Variants in SYT1 observed in about 807,000 individuals in gnomAD.
SYT1 encodes synaptotagmin-1.
A neutral mutation model predicts 44.8 loss-of-function variants in SYT1; 8 were observed. The ratio of observed to expected loss-of-function variants is 0.18; its 90% CI spans 0.10 to 0.32. The LOEUF is 0.32. SYT1 is among the 10% of genes least tolerant of loss of function. The pLI is 1.00. For synonymous variants in SYT1, 154 were observed against 188.8 expected (o/e 0.82, Z 1.51); for missense variants, 286 against 509.3 (o/e 0.56, Z 4.22).
intron 2 of SYT1, among the ~76,000 whole-genome samples, chr12:79,012,404 T>C (rs141742441): frequency 5.6e-4 from 85 of 152,312 alleles, no homozygotes; most frequent in African/African-American, 1.8e-3. Context: ...ATCACCTGGA[T>C]GATATCTTAC....
In SYT1 at chr12:79,424,836, T is replaced by G. The variant is rs563803045; in HGVS notation, c.929-19237T>G. Among the ~76,000 whole-genome samples, 8 of 151,544 alleles carry G rather than the reference T, an allele frequency of 5.3e-5. 1 individual carries two copies. The South Asian group carries it at 1.3e-3, about 24-fold the overall frequency. On this transcript the variant is annotated intron_variant, in intron 9 of 10. Coordinates refer to ENST00000261205, the MANE Select transcript of SYT1 (RefSeq NM_005639.3). ...ATTGTATGCAGACCTAGTGTTTTGTTTTTTTTTTAAGTTTTTAAATTTGTT... is the reference window on the plus strand; with the variant it reads ...ATTGTATGCAGACCTAGTGTTTTGTGTTTTTTTTAAGTTTTTAAATTTGTT...
intron 3 of SYT1, among the ~76,000 whole-genome samples, chr12:79,067,762 G>A (rs1055609658): frequency 6.6e-6 from 1 of 152,092 alleles, no homozygotes; most frequent in Non-Finnish European, 1.5e-5. Context: ...ACAGGTCCTG[G>A]ACTTTAAAGA....
rs372483146 is a variant in SYT1 at position 79,380,436 on chromosome 12, G to A, written c.928+26817G>A. 1.8e-4 allele frequency among the ~76,000 whole-genome samples: 27 copies of A among 152,256 alleles called. No individual in the cohort carries two copies. The East Asian group carries it at 5.2e-3, about 29-fold the overall frequency. On this transcript the variant is annotated intron_variant, in intron 9 of 10. Coordinates refer to ENST00000261205, the MANE Select transcript of SYT1 (RefSeq NM_005639.3). ...AGACAGAACTTTGCTCTGCCACCCA[G>A]GCTGCTGCATCCTAGGTGATGTAGC...
chr12:79,268,918 G>C (rs980632160), intron 4 of SYT1, among the ~76,000 whole-genome samples: 2 of 152,084 alleles, frequency 1.3e-5, no homozygotes, highest in African/African-American at 4.8e-5. Flanking sequence ...AAAACCAAAG[G>C]AAAGAAAGGA....
chr12:79,307,484 G>C (rs550578477), intron 8 of SYT1, among the ~76,000 whole-genome samples: 5 of 152,208 alleles, frequency 3.3e-5, no homozygotes, highest in Admixed American at 1.3e-4. Flanking sequence ...CCCCACGTTC[G>C]GCCACCTGAC....
chr12:79,263,401 G>A (rs1877944185), intron 4 of SYT1, among the ~76,000 whole-genome samples: 1 of 151,260 alleles, frequency 6.6e-6, no homozygotes, highest in African/African-American at 2.4e-5. Flanking sequence ...ACCCATATCT[G>A]CCCACTATAT....
chr12:79,279,773 T>G (rs1189182429), intron 4 of SYT1, among the ~76,000 whole-genome samples: 1 of 151,834 alleles, frequency 6.6e-6, no homozygotes, highest in African/African-American at 2.4e-5. Flanking sequence ...CTCCTAGATT[T>G]GATAAATGAA....
intron 9 of SYT1, among the ~76,000 whole-genome samples, chr12:79,423,842 G>A (rs1164200284): frequency 6.6e-6 from 1 of 151,790 alleles, no homozygotes; most frequent in Non-Finnish European, 1.5e-5. Context: ...AGGTGAGAGT[G>A]AACACTTGTT....
chr12:79,185,817 T>C (rs1479175432), intron 3 of SYT1, among the ~76,000 whole-genome samples: 3 of 152,032 alleles, frequency 2.0e-5, no homozygotes, highest in African/African-American at 4.8e-5. Flanking sequence ...CTATAAAATA[T>C]GTCCTATATT....
intron 3 of SYT1, among the ~76,000 whole-genome samples, chr12:79,071,396 A>C (rs1396963599): frequency 6.6e-6 from 1 of 152,160 alleles, no homozygotes; most frequent in African/African-American, 2.4e-5. Context: ...CCCAAATATA[A>C]TAAATCTGTG....
rs983204926 is a variant in SYT1 at position 79,025,364 on chromosome 12, G to C, written c.-83-21933G>C. 3.3e-5 allele frequency among the ~76,000 whole-genome samples: 5 copies of C among 151,696 alleles called. 1 individual carries two copies. Among genetic ancestry groups the C allele is most frequent in the Admixed American group, 2.0e-4 (3 of 15,172 alleles). ...GCCAAAGCTATAATGACATTTGCTT[G>C]TTGAGCTTTATAGAAGCACTGGGAA... On this transcript the variant is annotated intron_variant, in intron 2 of 10. Coordinates refer to ENST00000261205, the MANE Select transcript of SYT1 (RefSeq NM_005639.3).
intron 9 of SYT1, among the ~76,000 whole-genome samples, chr12:79,418,773 G>A (rs1024317687): frequency 5.3e-5 from 8 of 152,136 alleles, no homozygotes; most frequent in Non-Finnish European, 1.0e-4. Flanking sequence ...TCTTCCAACC[G>A]TGGTAACCAA....
chr12:79,432,485 A>T (rs1869855924), intron 9 of SYT1, among the ~76,000 whole-genome samples: 1 of 151,818 alleles, frequency 6.6e-6, no homozygotes, highest in Non-Finnish European at 1.5e-5. Context: ...GTCCTTGAAC[A>T]TTATCACTTT....
At chr12:79,296,023 A>G (rs776816211) in intron 6 of SYT1, 46 bp from the exon 7 acceptor site, 1 of 1,553,138 alleles carries the variant, frequency 6.4e-7, no homozygotes, top group Non-Finnish European at 8.7e-7. Context: ...CTTTTCCAAA[A>G]TGTCCACTGA....
At chr12:78,873,961 C>T (rs1340791933) in intron 1 of SYT1, among the ~76,000 whole-genome samples, 1 of 151,462 alleles carries the variant, frequency 6.6e-6, no homozygotes, top group African/African-American at 2.4e-5. Flanking sequence ...TTTAAGAAAA[C>T]AGGAATTTTA....
chr12:78,973,821 A>G (rs1041546861), intron 1 of SYT1, among the ~76,000 whole-genome samples: 1 of 149,414 alleles, frequency 6.7e-6, no homozygotes, highest in Non-Finnish European at 1.5e-5. Flanking sequence ...GTGATGTTCT[A>G]GGTCCTAGAC....
intron 3 of SYT1, among the ~76,000 whole-genome samples, chr12:79,127,038 C>A (rs1296127239): frequency 6.6e-6 from 1 of 152,200 alleles, no homozygotes; most frequent in East Asian, 1.9e-4. Flanking sequence ...AGCATCTAGT[C>A]TATTGTCTCA....
intron 3 of SYT1, among the ~76,000 whole-genome samples, chr12:79,193,624 AGGCTGTG>A (rs1316870794): frequency 6.6e-6 from 1 of 151,598 alleles, no homozygotes; most frequent in African/African-American, 2.4e-5. Context: ...GCTATTCAAG[AGGCTGTG>A]GCAAAAGAAT....
intron 8 of SYT1, among the ~76,000 whole-genome samples, chr12:79,319,955 G>A (rs974256682): frequency 4.6e-5 from 7 of 152,136 alleles, no homozygotes; most frequent in African/African-American, 1.2e-4. Context: ...AGTGAAGTGT[G>A]TATTTTAATG....
Sources: gnomAD v4.1 joint callset for allele counts (sites outside exome capture counted in the v4.1 genomes callset) on GRCh38, gnomAD v4.1.1 for gene constraint, MANE v1.5 for transcripts, NCBI Gene and HGNC (gene_info 2026-07-23, HGNC 2026-07-21) for gene names.